The following OTUD4 variants were observed in gnomAD, a reference collection of about 807,000 sequenced individuals.
The protein encoded by OTUD4 is OTU deubiquitinase 4, also known as OTU domain-containing protein 4.
Under a neutral mutation model 130.4 loss-of-function variants are expected in OTUD4, and 24 were observed. The ratio of observed to expected loss-of-function variants is 0.18; its 90% CI spans 0.13 to 0.26. OTUD4 has a LOEUF of 0.26. OTUD4 is among the 10% of genes least tolerant of loss of function. The pLI is 1.00. For missense variants in OTUD4, 1,031 were observed against 1,329.4 expected (o/e 0.78, Z 3.49); for synonymous variants, 420 against 472.5 (o/e 0.89, Z 1.44).
At chr4:145,178,767 T>C (rs886691190) in intron 1 of OTUD4, among the ~76,000 whole-genome samples, 1 of 152,232 alleles carries the variant, frequency 6.6e-6, no homozygotes, top group African/African-American at 2.4e-5. Context: ...GGCCTCCACA[T>C]GTTAAGTAAA....
intron 1 of OTUD4, chr4:145,178,376 G>C (rs1049298460): frequency 6.6e-6 from 1 of 152,162 alleles, no homozygotes; most frequent in Admixed American, 6.5e-5. Context: ...CCAAACTCTT[G>C]CTAGGTCTAA....
intron 1 of OTUD4, among the ~76,000 whole-genome samples, chr4:145,179,305 T>A (rs1031297274): frequency 6.6e-6 from 1 of 152,180 alleles, no homozygotes; most frequent in Non-Finnish European, 1.5e-5. Context: ...AAACGGCAGT[T>A]TGCCCATTTG....
At chr4:145,171,368 C>A in intron 3 of OTUD4, 3 of 225,702 alleles carry the variant, frequency 1.3e-5, no homozygotes, top group South Asian at 1.4e-4. Flanking sequence ...AAGTTCCATA[C>A]ACACACCAAC....
At chr4:145,159,285 T>A (rs1751439007) in intron 7 of OTUD4, 1 of 1,351,480 alleles carries the variant, frequency 7.4e-7, no homozygotes, top group African/African-American at 1.5e-5. Context: ...TAAATTCTCA[T>A]CAACCAAAAA....
Position 145,140,006 on chromosome 4 carries a change from A to G in OTUD4, c.2084-15T>C. 1 of 748,258 alleles carries G rather than the reference A, an allele frequency of 1.3e-6. No homozygotes were observed. Among genetic ancestry groups the G allele is most frequent in the Non-Finnish European group, 2.2e-6 (1 of 459,174 alleles). 46.4% of individuals were successfully genotyped at this position (748,258 alleles called of 1,614,324 possible). Reference sequence around the variant, plus strand: ...AATATTCTTATCTAAAAATAAAAGTAATCACTTGTTAAAATTATATATCTG... The same window carrying G: ...AATATTCTTATCTAAAAATAAAAGTGATCACTTGTTAAAATTATATATCTG... On this transcript the variant is annotated splice_polypyrimidine_tract_variant and intron_variant, in intron 19 of 20. Transcript: ENST00000447906.
intron 2 of OTUD4, among the ~76,000 whole-genome samples, chr4:145,173,473 T>C (rs1188994538): frequency 6.6e-6 from 1 of 152,142 alleles, no homozygotes; most frequent in Non-Finnish European, 1.5e-5. Context: ...CCTCAACCAA[T>C]GTTAGCAATG....
intron 3 of OTUD4, among the ~76,000 whole-genome samples, chr4:145,166,783 A>T (rs2126794290): frequency 6.6e-6 from 1 of 152,228 alleles, no homozygotes; most frequent in African/African-American, 2.4e-5. Flanking sequence ...GCAGTCGAGT[A>T]AGCCGAGATC....
chr4:145,148,974 A>G (rs1750943432), intron 13 of OTUD4, among the ~76,000 whole-genome samples: 1 of 152,372 alleles, frequency 6.6e-6, no homozygotes, highest in Non-Finnish European at 1.5e-5. Context: ...GAGAGGTAAT[A>G]TAACGGATTA....
chr4:145,137,805 T>A lies in OTUD4; in HGVS notation c.2970A>T (p.Glu990Asp). 1 of 1,614,120 alleles carries A rather than the reference T, an allele frequency of 6.2e-7. No homozygotes were observed. The highest frequency in any genetic ancestry group is 8.5e-7 in the Non-Finnish European group (1 of 1,180,022). Residue 990 changes from glutamate to aspartate, a missense_variant, in exon 21 of 21, where the codon GAA becomes GAT. Physicochemically the swap from Glu to Asp is conservative, Grantham distance 45. Around this residue, in one of 3 missense-constraint regions of OTUD4, gnomAD observed 900 missense variants for 1,095.9 expected, o/e 0.82. Coordinates refer to ENST00000447906, the MANE Select transcript of OTUD4 (RefSeq NM_001366057.1). ...TAGGATCTTTTACTTTTTCTGTTTT[T>A]TCTTTCAGGCTTTGAATGGTCCTTT... is the stretch of plus-strand genomic sequence containing the variant. ...EPKRTIQSLKEKTEKVKDPKT... is the reference protein window; with the variant it reads ...EPKRTIQSLKDKTEKVKDPKT...
At chr4:145,164,678 A>C (rs1396564769) in intron 4 of OTUD4, among the ~76,000 whole-genome samples, 1 of 152,158 alleles carries the variant, frequency 6.6e-6, no homozygotes, top group Non-Finnish European at 1.5e-5. Context: ...TGCTCATTGG[A>C]GCATTTTGGA....
At chr4:145,145,552 A>G (rs1750781155) in intron 14 of OTUD4, among the ~76,000 whole-genome samples, 1 of 152,120 alleles carries the variant, frequency 6.6e-6, no homozygotes, top group African/African-American at 2.4e-5. Flanking sequence ...AATCTACTCT[A>G]AAGAGAGAAA....
intron 11 of OTUD4, among the ~76,000 whole-genome samples, chr4:145,151,626 C>T (rs764598390): frequency 2.0e-5 from 3 of 152,090 alleles, no homozygotes; most frequent in East Asian, 1.9e-4. Flanking sequence ...CAGGGCAAGA[C>T]TCCATCTCAA....
At position 145,144,247 on chromosome 4, in the gene OTUD4, T is replaced by G. The variant is rs1750716827; in HGVS notation, c.1546+64A>C. ...TAAAAAGGGTTCTTTCCCAAATATA[T>G]GACATTAAGCCAGTCATCTAAAGAG... On this transcript the variant is annotated intron_variant, in intron 15 of 20. Coordinates refer to ENST00000447906, the MANE Select transcript of OTUD4 (RefSeq NM_001366057.1). 4 of 1,531,884 alleles carry G rather than the reference T, an allele frequency of 2.6e-6. No homozygotes were observed. The South Asian group carries it at 3.6e-5, about 14-fold the overall frequency. The allele number at this position is 1,531,884 out of a possible 1,614,324, so 94.9% of individuals were successfully genotyped here.
At position 145,155,459 on chromosome 4, in the gene OTUD4, A is replaced by G. The variant is rs1269056965; in HGVS notation, c.825T>C (p.Asp275=). 6.2e-7 allele frequency: 1 copy of G among 1,609,918 alleles called. No individual in the cohort carries two copies. The highest frequency in any genetic ancestry group is 2.2e-5 in the East Asian group (1 of 44,670). Residue 275 remains aspartate (D), a synonymous_variant, in exon 10 of 21, where the codon GAT becomes GAC. Transcript: ENST00000447906. The part of the protein sequence containing the change: ...LKSKQAQQKR[D]YSIAAGLQYE... Reference sequence around the variant, plus strand: ...ATTGTAAGCCAGCAGCAATGGAATAATCACGTTTTTGCTGAGCTGTTAAAA... The same window carrying G: ...ATTGTAAGCCAGCAGCAATGGAATAGTCACGTTTTTGCTGAGCTGTTAAAA...
chr4:145,148,980 G>T (rs1036813302), intron 13 of OTUD4, among the ~76,000 whole-genome samples: 3 of 152,246 alleles, frequency 2.0e-5, no homozygotes, highest in African/African-American at 7.2e-5. Flanking sequence ...TAATATAACG[G>T]ATTAGAATCA....
chr4:145,177,290 T>C (rs1246207192), intron 1 of OTUD4, among the ~76,000 whole-genome samples: 2 of 152,236 alleles, frequency 1.3e-5, no homozygotes. Context: ...AAAGCAATGG[T>C]AGGCATATCT....
intron 10 of OTUD4, among the ~76,000 whole-genome samples, chr4:145,153,276 C>T (rs1751148252): frequency 6.6e-6 from 1 of 152,196 alleles, no homozygotes; most frequent in African/African-American, 2.4e-5. Context: ...GGCAGCAGGT[C>T]CTGGTTCTGA....
In OTUD4 at chr4:145,137,490, T is replaced by C; in HGVS notation, c.3285A>G (p.Pro1095=). The change falls in exon 21 of 21, where the codon CCA becomes CCG. Residue 1095 remains proline (P), a synonymous_variant. Coordinates refer to ENST00000447906, the MANE Select transcript of OTUD4 (RefSeq NM_001366057.1). ...YQYHRNVRGR[P]FRGDRRRSGM... is the part of the protein sequence containing the mutation. Reference sequence around the variant, plus strand: ...CTGATCTCCTCCTATCTCCCCTAAATGGTCGCCCTCTGACATTTCGATGGT... The same window carrying C: ...CTGATCTCCTCCTATCTCCCCTAAACGGTCGCCCTCTGACATTTCGATGGT... 1 of 1,612,962 alleles carries C rather than the reference T, an allele frequency of 6.2e-7. No homozygotes were observed. The highest frequency in any genetic ancestry group is 2.2e-5 in the East Asian group (1 of 44,798).
chr4:145,177,661 T>C (rs937829037), intron 1 of OTUD4, among the ~76,000 whole-genome samples: 2 of 152,204 alleles, frequency 1.3e-5, no homozygotes, highest in African/African-American at 4.8e-5. Context: ...TTTAGCTCCA[T>C]GGCTGTGGAG....
Sources: allele counts gnomAD v4.1 joint callset (sites outside exome capture counted in the v4.1 genomes callset), GRCh38; gene constraint gnomAD v4.1.1; regional missense constraint gnomAD v4.1.1; transcripts MANE v1.5; gene names NCBI Gene and HGNC (gene_info 2026-07-23, HGNC 2026-07-21).